Variants in ANKS1A observed in about 807,000 individuals in gnomAD.
ANKS1A encodes ankyrin repeat and sterile alpha motif domain containing 1A, also known as ankyrin repeat and SAM domain-containing protein 1A.
ANKS1A carries 55 observed loss-of-function variants against 120.3 expected under a neutral mutation model. The ratio of observed to expected loss-of-function variants is 0.46; its 90% CI spans 0.37 to 0.57. ANKS1A has a LOEUF of 0.57. Ranked by LOEUF, ANKS1A falls within the 20% of genes least tolerant of loss-of-function variation. ANKS1A has a pLI of 0.00. For synonymous variants in ANKS1A, 590 were observed against 604.7 expected (o/e 0.98, Z 0.36); for missense variants, 1,123 against 1,480.3 (o/e 0.76, Z 3.96).
chr6:34,949,568 T>C (rs1046282281), intron 1 of ANKS1A, among the ~76,000 whole-genome samples: 2 of 152,162 alleles, frequency 1.3e-5, no homozygotes, highest in Non-Finnish European at 2.9e-5. Flanking sequence ...GCAGTGACTT[T>C]GGAAATAGGA....
chr6:34,995,342 G>T (rs1241505011), intron 10 of ANKS1A, among the ~76,000 whole-genome samples: 1 of 151,982 alleles, frequency 6.6e-6, no homozygotes, highest in Non-Finnish European at 1.5e-5. Context: ...TCTCTTGCAT[G>T]CAGACATTGT....
At chr6:35,008,382 A>C (rs890551104) in intron 10 of ANKS1A, among the ~76,000 whole-genome samples, 1 of 152,074 alleles carries the variant, frequency 6.6e-6, no homozygotes, top group South Asian at 2.1e-4. Context: ...ATGCCCAGCT[A>C]AAAGTGTTTT....
At chr6:34,901,126 G>A (rs1429391855) in intron 1 of ANKS1A, among the ~76,000 whole-genome samples, 2 of 151,894 alleles carry the variant, frequency 1.3e-5, no homozygotes, top group African/African-American at 4.8e-5. Flanking sequence ...ACTGCCAGAT[G>A]CACTACCAGG....
At chr6:35,011,221 G>C (rs1301456285) in intron 10 of ANKS1A, among the ~76,000 whole-genome samples, 3 of 152,224 alleles carry the variant, frequency 2.0e-5, no homozygotes, top group Non-Finnish European at 4.4e-5. Context: ...ACTCAAGTCA[G>C]TTGTTTCTTG....
intron 1 of ANKS1A, among the ~76,000 whole-genome samples, chr6:34,962,470 C>A (rs1439773749): frequency 1.3e-5 from 2 of 152,130 alleles, no homozygotes; most frequent in Non-Finnish European, 2.9e-5. Flanking sequence ...CCTCACATAT[C>A]ATTTTTATGG....
chr6:34,908,384 A>G (rs372796120), intron 1 of ANKS1A, among the ~76,000 whole-genome samples: 3 of 152,212 alleles, frequency 2.0e-5, no homozygotes, highest in South Asian at 2.1e-4. Context: ...GCTATCCAGC[A>G]GGAGTCAGCG....
rs183459704 is a variant in ANKS1A, at chr6:34,989,125, A to G, written c.1210-99A>G. On this transcript the variant is annotated intron_variant, in intron 8 of 23. Transcript: ENST00000360359. ...TTAGTCTCTCAGGGGAGTTCCATACATTATTTTTTTCATTTCTAAGGGCTA... is the reference window on the plus strand; with the variant it reads ...TTAGTCTCTCAGGGGAGTTCCATACGTTATTTTTTTCATTTCTAAGGGCTA... 164 of 1,080,876 alleles carry G rather than the reference A, an allele frequency of 1.5e-4. 3 individuals are homozygous for G. In the East Asian group the frequency reaches 3.0e-3, roughly 20 times the overall value. 67.0% of individuals were successfully genotyped at this position (1,080,876 alleles called of 1,614,324 possible).
At chr6:35,033,244 G>C (rs1774993222) in intron 11 of ANKS1A, among the ~76,000 whole-genome samples, 2 of 152,162 alleles carry the variant, frequency 1.3e-5, no homozygotes, top group Non-Finnish European at 2.9e-5. Flanking sequence ...TAAAATATCA[G>C]CTCCTGCTCA....
intron 6 of ANKS1A, 22 bp downstream of exon 6, chr6:34,983,236 T>C (rs1771995022): frequency 6.2e-7 from 1 of 1,612,280 alleles, no homozygotes; most frequent in African/African-American, 1.3e-5. Context: ...TCTCCCTGTC[T>C]GGGTGACCAG....
intron 11 of ANKS1A, among the ~76,000 whole-genome samples, chr6:35,051,835 C>CT (rs1775986994): frequency 6.6e-6 from 1 of 152,178 alleles, no homozygotes; most frequent in Non-Finnish European, 1.5e-5. Context: ...ATTTTTACAA[C>CT]TTTAAAAATA....
intron 11 of ANKS1A, among the ~76,000 whole-genome samples, chr6:35,039,101 T>C (rs1374738493): frequency 7.1e-6 from 1 of 141,136 alleles, no homozygotes; most frequent in African/African-American, 2.6e-5. Context: ...TGGGGGGGGG[T>C]TATATGCATT....
At chr6:35,036,946 C>T (rs1400523414) in intron 11 of ANKS1A, among the ~76,000 whole-genome samples, 4 of 152,236 alleles carry the variant, frequency 2.6e-5, no homozygotes, top group African/African-American at 4.8e-5. Flanking sequence ...TTCTCAGGCA[C>T]GCTGAGGTTT....
chr6:34,989,720 A>T (rs1236481088), intron 9 of ANKS1A, among the ~76,000 whole-genome samples: 1 of 151,910 alleles, frequency 6.6e-6, no homozygotes, highest in African/African-American at 2.4e-5. Context: ...CTGTTTTTGT[A>T]TTTTTTCCTG....
Position 34,982,862 on chromosome 6 carries a change from T to A in ANKS1A, c.808+35T>A, listed in dbSNP as rs761899190. 21 of 1,613,884 alleles carry A rather than the reference T, an allele frequency of 1.3e-5. No individual in the cohort carries two copies. In the South Asian group the frequency reaches 1.3e-4, roughly 10 times the overall value. ...CGGCAGCGCTCTTGTCTACACAGCGTGCCAGGGTTGGGATTGTTTCTCCCT... is the reference window on the plus strand; with the variant it reads ...CGGCAGCGCTCTTGTCTACACAGCGAGCCAGGGTTGGGATTGTTTCTCCCT... On this transcript the variant is annotated intron_variant, in intron 5 of 23. Transcript: ENST00000360359. The surrounding 1 kb of genome is among the most constrained non-coding windows in gnomAD (Gnocchi z 4.9).
chr6:34,996,731 A>G (rs1380530782), intron 10 of ANKS1A, among the ~76,000 whole-genome samples: 1 of 152,222 alleles, frequency 6.6e-6, no homozygotes, highest in Non-Finnish European at 1.5e-5. Flanking sequence ...TTGGCCTCCC[A>G]AAGTGCTGGG....
Position 35,082,320 on chromosome 6 carries a change from G to A in ANKS1A, c.2710-371G>A, listed in dbSNP as rs191507399. Among the ~76,000 whole-genome samples, 2 of 152,136 alleles carry A rather than the reference G, an allele frequency of 1.3e-5. No homozygotes were observed. The highest frequency in any genetic ancestry group is 1.9e-4 in the East Asian group (1 of 5,138). On this transcript the variant is annotated intron_variant, in intron 17 of 23. Coordinates refer to ENST00000360359, the MANE Select transcript of ANKS1A (RefSeq NM_015245.3). The surrounding 1 kb of genome is among the most constrained non-coding windows in gnomAD (Gnocchi z 4.1). ...GGGTCCCAAGGCGTCCCAGGGTCTC[G>A]TGGGCGCTGTTCTCTCCTTTGGTCT... is the stretch of plus-strand genomic sequence containing the variant.
chr6:34,897,311 T>C (rs914870487), intron 1 of ANKS1A, among the ~76,000 whole-genome samples: 2 of 152,186 alleles, frequency 1.3e-5, no homozygotes, highest in African/African-American at 2.4e-5. Flanking sequence ...AAAGTTACAT[T>C]CTTGGCCAGA....
intron 11 of ANKS1A, among the ~76,000 whole-genome samples, chr6:35,032,980 G>T (rs985797196): frequency 6.6e-6 from 1 of 152,130 alleles, no homozygotes; most frequent in African/African-American, 2.4e-5. Flanking sequence ...GATGAATTTG[G>T]CATTTAAATG....
rs535259880 is a variant in ANKS1A at position 35,060,111 on chromosome 6, C to G, written c.2078-36C>G. Reference sequence around the variant, plus strand: ...CGCTGCTACCGCCTTAATGGTTTTTCCCTTTTCAAGCGTCTGCCGATTCCT... The same window carrying G: ...CGCTGCTACCGCCTTAATGGTTTTTGCCTTTTCAAGCGTCTGCCGATTCCT... On this transcript the variant is annotated intron_variant, in intron 12 of 23. Coordinates refer to ENST00000360359, the MANE Select transcript of ANKS1A (RefSeq NM_015245.3). The surrounding 1 kb of genome is among the most constrained non-coding windows in gnomAD (Gnocchi z 4.5). The G allele has an allele frequency of 1.9e-6, 3 of 1,570,436 alleles. 1 individual carries two copies. The highest frequency in any genetic ancestry group is 2.3e-5 in the South Asian group (2 of 87,526).
Sources: allele counts gnomAD v4.1 joint callset (sites outside exome capture counted in the v4.1 genomes callset), GRCh38; gene constraint gnomAD v4.1.1; non-coding constraint Gnocchi (gnomAD v3.1); transcripts MANE v1.5; gene names NCBI Gene and HGNC (gene_info 2026-07-23, HGNC 2026-07-21).